Variants in PTPN5 observed in about 807,000 individuals in gnomAD.
PTPN5 encodes the protein protein tyrosine phosphatase non-receptor type 5.
PTPN5 carries 29 observed loss-of-function variants against 73.9 expected under a neutral mutation model. The ratio of observed to expected loss-of-function variants is 0.39; its 90% CI spans 0.29 to 0.54. The LOEUF (loss-of-function observed/expected upper bound fraction) is 0.54. PTPN5 is among the 20% of genes least tolerant of loss of function. The probability of loss-of-function intolerance (pLI) is 0.65; values close to 1 mark genes in which losing one functional copy is unlikely to be tolerated. For synonymous variants in PTPN5, 267 were observed against 304.7 expected, an observed-to-expected ratio of 0.88 and a Z score of 1.29; for missense variants, 652 against 751.4, an observed-to-expected ratio of 0.87 and a Z score of 1.55.
intron 1 of PTPN5, among the ~76,000 whole-genome samples, chr11:18,774,586 A>G (rs754945359): frequency 9.2e-5 from 14 of 152,376 alleles, no homozygotes; most frequent in Non-Finnish European, 1.8e-4. Flanking sequence ...GGATGGGAGC[A>G]GGAAAAACAC....
intron 3 of PTPN5, among the ~76,000 whole-genome samples, chr11:18,760,861 T>G (rs7941067): frequency 0.35 from 53,597 of 152,160 alleles, 9,785 homozygotes; most frequent in Middle Eastern, 0.48. Flanking sequence ...GGTGTCCATG[T>G]TCCCCTTTCC....
At chr11:18,737,072 G>A (rs909508483) in intron 9 of PTPN5, among the ~76,000 whole-genome samples, 3 of 152,308 alleles carry the variant, frequency 2.0e-5, no homozygotes, top group South Asian at 2.1e-4. Flanking sequence ...TAAAAGCCTC[G>A]CTACTCCACA....
intron 3 of PTPN5, among the ~76,000 whole-genome samples, chr11:18,747,270 C>A (rs955269341): frequency 6.6e-6 from 1 of 151,990 alleles, no homozygotes; most frequent in Non-Finnish European, 1.5e-5. Flanking sequence ...CCTGCATCAA[C>A]CCCCTGTGTT....
At chr11:18,779,713 G>C (rs909551531) in intron 1 of PTPN5, among the ~76,000 whole-genome samples, 3 of 152,186 alleles carry the variant, frequency 2.0e-5, no homozygotes, top group Admixed American at 2.0e-4. Context: ...GAGGTCCTCA[G>C]TCACGGGCTG....
At chr11:18,764,173 C>A (rs570175461) in intron 3 of PTPN5, among the ~76,000 whole-genome samples, 1 of 152,176 alleles carries the variant, frequency 6.6e-6, no homozygotes, top group East Asian at 1.9e-4. Flanking sequence ...CCTCCTGTGA[C>A]GGAACACGCA....
chr11:18,731,160 AT>A (rs1198166071), intron 12 of PTPN5, among the ~76,000 whole-genome samples: 1 of 141,854 alleles, frequency 7.0e-6, no homozygotes, highest in Admixed American at 6.9e-5. Context: ...ATATATATTT[AT>A]ATTTTATATA....
chr11:18,766,734 C>A (rs1472764858), intron 2 of PTPN5, among the ~76,000 whole-genome samples: 1 of 152,166 alleles, frequency 6.6e-6, no homozygotes, highest in Admixed American at 6.5e-5. Context: ...AGGGGGTCCC[C>A]TACCCTGGGA....
chr11:18,777,761 A>C (rs116663498), intron 1 of PTPN5, among the ~76,000 whole-genome samples: 2,183 of 152,244 alleles, frequency 0.014, 46 homozygotes, highest in African/African-American at 0.05. Context: ...GCTTGGGAAA[A>C]ACAGTGAGAT....
intron 1 of PTPN5, among the ~76,000 whole-genome samples, chr11:18,788,613 C>T (rs540151506): frequency 6.6e-6 from 1 of 152,310 alleles, no homozygotes; most frequent in African/African-American, 2.4e-5. Flanking sequence ...TTGGCTTCTC[C>T]AAGAAGCCGT....
At chr11:18,783,476 T>C (rs1420907166) in intron 1 of PTPN5, among the ~76,000 whole-genome samples, 2 of 152,234 alleles carry the variant, frequency 1.3e-5, no homozygotes, top group African/African-American at 2.4e-5. Flanking sequence ...GTGTCTCTCC[T>C]GTGTTCCCAC....
intron 1 of PTPN5, among the ~76,000 whole-genome samples, chr11:18,790,683 C>G (rs866351186): frequency 1.3e-5 from 2 of 152,022 alleles, no homozygotes; most frequent in Middle Eastern, 3.2e-3. Flanking sequence ...TACACACTTT[C>G]GTGGTACACT....
intron 1 of PTPN5, among the ~76,000 whole-genome samples, chr11:18,778,183 C>G (rs1851259574): frequency 6.6e-6 from 1 of 152,142 alleles, no homozygotes. Flanking sequence ...TAAAATAGAG[C>G]AGCAGTAGGA....
At chr11:18,776,400 A>G (rs1590607776) in intron 1 of PTPN5, among the ~76,000 whole-genome samples, 1 of 151,754 alleles carries the variant, frequency 6.6e-6, no homozygotes. Flanking sequence ...AGAACTGGGT[A>G]CTCCGTCTTC....
At chr11:18,775,117 A>G (rs1255232974) in intron 1 of PTPN5, among the ~76,000 whole-genome samples, 1 of 152,220 alleles carries the variant, frequency 6.6e-6, no homozygotes, top group Non-Finnish European at 1.5e-5. Context: ...TGCATTTTCT[A>G]AAGGCGGAAA....
At chr11:18,790,490 G>T (rs1851866813) in intron 1 of PTPN5, among the ~76,000 whole-genome samples, 1 of 152,200 alleles carries the variant, frequency 6.6e-6, no homozygotes, top group South Asian at 2.1e-4. Context: ...TCTGATCTCA[G>T]GTCCTGGGCT....
chr11:18,779,654 C>T (rs960893923), intron 1 of PTPN5, among the ~76,000 whole-genome samples: 5 of 152,176 alleles, frequency 3.3e-5, no homozygotes, highest in African/African-American at 2.4e-5. Context: ...TCTCCTTTCC[C>T]TGTGCCAGTG....
In PTPN5 at chr11:18,733,372, C is replaced by G; in HGVS notation, c.1081G>C (p.Gly361Arg). Residue 361 changes from glycine (G) to arginine (R), a missense_variant and splice_region_variant, in exon 11 of 15, where the codon GGC (glycine) becomes CGC (arginine). Physicochemically the swap from Gly to Arg is moderately radical, Grantham distance 125. Around this residue, in one of 3 missense-constraint regions of PTPN5, gnomAD observed 529 missense variants for 573.9 expected, o/e 0.92. Coordinates refer to ENST00000358540, the MANE Select transcript of PTPN5 (RefSeq NM_006906.2). The surrounding 1 kb of genome is among the most constrained non-coding windows in gnomAD (Gnocchi z 4.3). The stretch of plus-strand genomic sequence containing the variant: ...TACACCTTCTCCTCCCCACCATAGC[C>G]CTGCGGCCAGCCAAGTCCAGGCTGT... ...SSYINANYIR[G>R]YGGEEKVYIA... 1 of 1,613,176 alleles carries G rather than the reference C, an allele frequency of 6.2e-7. No individual in the cohort carries two copies. Among genetic ancestry groups the G allele is most frequent in the Non-Finnish European group, 8.5e-7 (1 of 1,179,230 alleles).
chr11:18,780,718 T>C (rs1435009404), intron 1 of PTPN5, among the ~76,000 whole-genome samples: 1 of 152,156 alleles, frequency 6.6e-6, no homozygotes, highest in Admixed American at 6.5e-5. Flanking sequence ...CTGGCTCTCT[T>C]GTCCATAACT....
At chr11:18,751,680 G>T (rs1301252266) in intron 3 of PTPN5, among the ~76,000 whole-genome samples, 1 of 152,346 alleles carries the variant, frequency 6.6e-6, no homozygotes, top group African/African-American at 2.4e-5. Flanking sequence ...CAGGATGGGC[G>T]TGGGAAAAGG....
Sources: allele counts gnomAD v4.1 joint callset (sites outside exome capture counted in the v4.1 genomes callset), GRCh38; gene constraint gnomAD v4.1.1; regional missense constraint gnomAD v4.1.1; non-coding constraint Gnocchi (gnomAD v3.1); transcripts MANE v1.5; gene names NCBI Gene and HGNC (gene_info 2026-07-23, HGNC 2026-07-21).